Variants in SCN11A observed in about 807,000 individuals in gnomAD.
The protein encoded by SCN11A is sodium channel protein type 11 subunit alpha.
SCN11A carries 122 observed loss-of-function variants against 162.2 expected under a neutral mutation model. The observed-to-expected ratio is 0.75, with a 90% CI of 0.65 to 0.87. The LOEUF is 0.87. Ranked by LOEUF, SCN11A falls within the 40% of genes least tolerant of loss-of-function variation. The pLI is 0.00. For synonymous variants in SCN11A, 758 were observed against 751.5 expected (o/e 1.01, Z -0.14); for missense variants, 2,015 against 2,181.6 (o/e 0.92, Z 1.52).
chr3:38,926,843 C>G lies in SCN11A; in HGVS notation c.577G>C (p.Asp193His). The G allele has an allele frequency of 6.2e-7, 1 of 1,613,704 alleles. No homozygotes were observed. Among genetic ancestry groups the G allele is most frequent in the Non-Finnish European group, 8.5e-7 (1 of 1,179,600 alleles). ...ATGGAGTCCAGCCAGTTCCATGGAT[C>G]TCGAAGGAAAGAAAACTCATCCAGA... is the stretch of plus-strand genomic sequence containing the variant. Reference protein sequence around the residue: ...FILDEFSFLRDPWNWLDSIVI... With the variant: ...FILDEFSFLRHPWNWLDSIVI... Residue 193 changes from aspartate to histidine, a missense_variant, in exon 8 of 30, where the codon GAT (aspartate) becomes CAT (histidine). By Grantham distance (81) the Asp-to-His change is moderately conservative. Coordinates refer to ENST00000302328, the MANE Select transcript of SCN11A (RefSeq NM_001349253.2).
intron 2 of SCN11A, among the ~76,000 whole-genome samples, chr3:38,975,282 A>C (rs1422307767): frequency 6.6e-6 from 1 of 152,096 alleles, no homozygotes; most frequent in Non-Finnish European, 1.5e-5. Flanking sequence ...ACATGAAGGG[A>C]TGGTGAGTAA....
intron 23 of SCN11A, among the ~76,000 whole-genome samples, chr3:38,875,097 A>G (rs1004471316): frequency 3.9e-5 from 6 of 152,192 alleles, no homozygotes; most frequent in African/African-American, 9.6e-5. Flanking sequence ...AGCTCAAAGG[A>G]TCAGCAACTT....
chr3:39,010,571 G>C (rs544110870), intron 2 of SCN11A, among the ~76,000 whole-genome samples: 4 of 151,982 alleles, frequency 2.6e-5, no homozygotes, highest in Admixed American at 2.0e-4. Context: ...GTAGAGATGG[G>C]GTTTCACTGT....
chr3:38,871,471 T>G lies in SCN11A; in HGVS notation c.3733A>C (p.Asn1245His). The G allele has an allele frequency of 6.2e-7, 1 of 1,611,666 alleles. No homozygotes were observed. Among genetic ancestry groups the G allele is most frequent in the Non-Finnish European group, 8.5e-7 (1 of 1,178,962 alleles). The stretch of plus-strand genomic sequence containing the variant: ...ACTTGCAGCAGAGCGAGGTAAGCAT[T>G]TCCCACATTGTCAAAGTTGACTTTC... ...NQKVNFDNVG[N>H]AYLALLQVAT... Residue 1245 changes from asparagine (N) to histidine (H), a missense_variant, in exon 25 of 30, where the codon AAT (asparagine) becomes CAT (histidine). Physicochemically the swap from Asn to His is moderately conservative, Grantham distance 68. Transcript: ENST00000302328.
At chr3:38,884,236 C>T (rs2065357931) in intron 21 of SCN11A, among the ~76,000 whole-genome samples, 1 of 152,052 alleles carries the variant, frequency 6.6e-6, no homozygotes, top group South Asian at 2.1e-4. Context: ...TGGCTTTTAT[C>T]CCACTCCTCC....
intron 7 of SCN11A, among the ~76,000 whole-genome samples, chr3:38,939,405 GAGA>G (rs889714978): frequency 1.1e-4 from 16 of 151,988 alleles, no homozygotes; most frequent in Admixed American, 5.2e-4. Context: ...AATGATAAAT[GAGA>G]AGAAGAATAT....
chr3:38,909,307 G>C, intron 12 of SCN11A, 113 bp from the exon 13 acceptor site: 2 of 917,010 alleles, frequency 2.2e-6, no homozygotes, highest in Non-Finnish European at 3.4e-6. Context: ...CCCAGCACTG[G>C]TGGGCTCAGT....
chr3:38,915,708 G>C (rs1333635966), intron 11 of SCN11A, among the ~76,000 whole-genome samples: 3 of 152,104 alleles, frequency 2.0e-5, no homozygotes, highest in African/African-American at 7.2e-5. Flanking sequence ...GCTGAAGCTT[G>C]TTTTATGTTC....
chr3:38,941,629 C>T (rs2066443791), intron 7 of SCN11A, among the ~76,000 whole-genome samples: 1 of 152,014 alleles, frequency 6.6e-6, no homozygotes, highest in South Asian at 2.1e-4. Flanking sequence ...CTCTATTTTG[C>T]CAATTTAACA....
At chr3:38,993,342 C>G (rs1004253008) in intron 2 of SCN11A, among the ~76,000 whole-genome samples, 7 of 152,206 alleles carry the variant, frequency 4.6e-5, no homozygotes, top group African/African-American at 1.7e-4. Flanking sequence ...AGAAGCCAAT[C>G]TCAAATGCCA....
At chr3:38,886,495 G>A (rs1429568079) in intron 19 of SCN11A, among the ~76,000 whole-genome samples, 3 of 152,038 alleles carry the variant, frequency 2.0e-5, no homozygotes, top group Non-Finnish European at 4.4e-5. Flanking sequence ...ACAAAACTCC[G>A]CAAGTAATTC....
chr3:39,003,447 T>C (rs757923270), intron 2 of SCN11A, among the ~76,000 whole-genome samples: 1 of 152,230 alleles, frequency 6.6e-6, no homozygotes, highest in Non-Finnish European at 1.5e-5. Flanking sequence ...GGCATTTGGG[T>C]TGATTCCATA....
At chr3:38,872,722 G>C (rs1230932589) in intron 23 of SCN11A, among the ~76,000 whole-genome samples, 2 of 152,130 alleles carry the variant, frequency 1.3e-5, no homozygotes, top group Admixed American at 6.6e-5. Context: ...GTAATCATGT[G>C]AGACATTGTC....
intron 2 of SCN11A, among the ~76,000 whole-genome samples, chr3:39,000,329 T>C (rs569199679): frequency 6.6e-6 from 1 of 152,290 alleles, no homozygotes; most frequent in South Asian, 2.1e-4. Flanking sequence ...TGGGTAGAGC[T>C]TGGTTTTACA....
chr3:39,019,681 A>G (rs17733682), intron 2 of SCN11A, among the ~76,000 whole-genome samples: 1,714 of 152,234 alleles, frequency 0.011, 11 homozygotes, highest in Non-Finnish European at 0.017. Flanking sequence ...TATTTTTATG[A>G]ATCCCTCACT....
At chr3:38,943,157 CACA>C (rs1237579650) in intron 7 of SCN11A, among the ~76,000 whole-genome samples, 3 of 151,882 alleles carry the variant, frequency 2.0e-5, no homozygotes, top group Non-Finnish European at 4.4e-5. Context: ...TAGAAATATA[CACA>C]ACAACATGGA....
At chr3:38,850,775 A>G (rs1052981939) in intron 28 of SCN11A, 24 bp from the exon 29 acceptor site, 2 of 1,536,296 alleles carry the variant, frequency 1.3e-6, no homozygotes, top group Non-Finnish European at 1.8e-6. Flanking sequence ...GAAATTATAA[A>G]TCATTTTGAA....
At chr3:38,995,356 G>A (rs1324285159) in intron 2 of SCN11A, among the ~76,000 whole-genome samples, 1 of 152,188 alleles carries the variant, frequency 6.6e-6, no homozygotes, top group Non-Finnish European at 1.5e-5. Context: ...CCCTGACCTT[G>A]TGATCCACCT....
In SCN11A at chr3:39,020,253, G is replaced by T. The variant is rs922183506; in HGVS notation, c.-280+12127C>A. The stretch of plus-strand genomic sequence containing the variant: ...TGGGAAAATTTATAGATTTCTTTGT[G>T]GTCAAATTTTGATACTCACTGATAC... On this transcript the variant is annotated intron_variant, in intron 2 of 29. Transcript: ENST00000302328. Among the ~76,000 whole-genome samples, 4 of 152,136 alleles carry T rather than the reference G, an allele frequency of 2.6e-5. 1 individual carries two copies. The highest frequency in any genetic ancestry group is 9.7e-5 in the African/African-American group (4 of 41,438).
Sources: gnomAD v4.1 joint callset for allele counts (sites outside exome capture counted in the v4.1 genomes callset) on GRCh38, gnomAD v4.1.1 for gene constraint, MANE v1.5 for transcripts, NCBI Gene and HGNC (gene_info 2026-07-23, HGNC 2026-07-21) for gene names.